The following CTNNA3 variants were observed in gnomAD, a reference collection of about 807,000 sequenced individuals.
CTNNA3 encodes the protein catenin alpha 3, also known as catenin alpha-3.
A neutral mutation model predicts 95.7 loss-of-function variants in CTNNA3; 76 were observed. The observed-to-expected ratio is 0.79, with a 90% CI of 0.66 to 0.96. The LOEUF (loss-of-function observed/expected upper bound fraction) is 0.96, where lower values mean the gene tolerates loss of function less well. CTNNA3 is among the 40% of genes least tolerant of loss of function. The pLI is 0.00. For synonymous variants in CTNNA3, 431 were observed against 374.4 expected (o/e 1.15, Z -1.74); for missense variants, 1,191 against 1,089.8 (o/e 1.09, Z -1.31).
intron 6 of CTNNA3, among the ~76,000 whole-genome samples, chr10:67,182,425 C>T (rs977608265): frequency 6.6e-6 from 1 of 152,064 alleles, no homozygotes. Context: ...CTGAGAAAAA[C>T]AAGCAATGGG....
intron 10 of CTNNA3, among the ~76,000 whole-genome samples, chr10:66,552,787 T>C (rs2132112145): frequency 6.6e-6 from 1 of 152,248 alleles, no homozygotes; most frequent in South Asian, 2.1e-4. Context: ...AGTGACTATT[T>C]CTAGCCTCAT....
At chr10:65,921,213 G>C (rs906847290) in intron 17 of CTNNA3, among the ~76,000 whole-genome samples, 5 of 152,100 alleles carry the variant, frequency 3.3e-5, no homozygotes, top group African/African-American at 9.7e-5. Context: ...ACTACAAAAA[G>C]GTGGAGTTTA....
intron 9 of CTNNA3, among the ~76,000 whole-genome samples, chr10:66,746,064 G>A (rs1288592492): frequency 6.6e-6 from 1 of 152,114 alleles, no homozygotes; most frequent in Non-Finnish European, 1.5e-5. Context: ...CCATCGGCAT[G>A]TTCCTTAATT....
intron 7 of CTNNA3, among the ~76,000 whole-genome samples, chr10:66,986,307 G>A (rs1850725264): frequency 6.6e-6 from 1 of 151,988 alleles, no homozygotes; most frequent in Non-Finnish European, 1.5e-5. Flanking sequence ...AGACAGCCTG[G>A]GCAACATGGT....
intron 5 of CTNNA3, among the ~76,000 whole-genome samples, chr10:67,249,567 CGT>C (rs1866027871): frequency 1.3e-5 from 2 of 151,848 alleles, no homozygotes; most frequent in Admixed American, 6.6e-5. Flanking sequence ...AACTTTCTAC[CGT>C]ATGTATTACC....
intron 5 of CTNNA3, among the ~76,000 whole-genome samples, chr10:67,482,273 C>T (rs1303505591): frequency 2.0e-5 from 3 of 151,870 alleles, no homozygotes; most frequent in African/African-American, 4.8e-5. Context: ...TAGTTTTTTC[C>T]AATTCTGTGA....
At chr10:67,560,894 C>T (rs910474080) in intron 3 of CTNNA3, among the ~76,000 whole-genome samples, 1 of 152,064 alleles carries the variant, frequency 6.6e-6, no homozygotes, top group African/African-American at 2.4e-5. Flanking sequence ...ACAAAGAAGG[C>T]CATTGCATAA....
chr10:66,909,913 A>G (rs2132554557), intron 7 of CTNNA3, among the ~76,000 whole-genome samples: 1 of 152,288 alleles, frequency 6.6e-6, no homozygotes, highest in Middle Eastern at 3.4e-3. Flanking sequence ...TATCTGTTAA[A>G]AGTAGAATTC....
chr10:66,864,811 A>G (rs1208548872), intron 7 of CTNNA3, among the ~76,000 whole-genome samples: 1 of 152,174 alleles, frequency 6.6e-6, no homozygotes, highest in East Asian at 1.9e-4. Context: ...GATAAATTAA[A>G]TAGCTTCCCA....
In CTNNA3 at chr10:66,650,523, G is replaced by A. The variant is rs919793432; in HGVS notation, c.1282-28739C>T. Among the ~76,000 whole-genome samples the A allele has an allele frequency of 1.2e-4, 18 of 152,276 alleles. 1 individual carries two copies. The highest frequency in any genetic ancestry group is 3.4e-3 in the Middle Eastern group (1 of 294). On this transcript the variant is annotated intron_variant, in intron 9 of 17. Coordinates refer to ENST00000433211, the MANE Select transcript of CTNNA3 (RefSeq NM_013266.4). ...AACTCATGATGTGTCCGGAATTGGTGGGTTCTTGGTCTCGCTGACTTCAAG... is the reference window on the plus strand; with the variant it reads ...AACTCATGATGTGTCCGGAATTGGTAGGTTCTTGGTCTCGCTGACTTCAAG...
At chr10:66,993,984 T>C (rs980882627) in intron 7 of CTNNA3, among the ~76,000 whole-genome samples, 1 of 152,298 alleles carries the variant, frequency 6.6e-6, no homozygotes, top group Admixed American at 6.5e-5. Context: ...CTGCCAGATA[T>C]AGCAGGACAA....
intron 15 of CTNNA3, among the ~76,000 whole-genome samples, chr10:65,995,740 G>T (rs1001846611): frequency 6.6e-6 from 1 of 152,228 alleles, no homozygotes; most frequent in Admixed American, 6.5e-5. Flanking sequence ...AACCCCATGG[G>T]CTCACAGATA....
At chr10:65,937,292 ATTAC>A (rs1226702542) in intron 17 of CTNNA3, among the ~76,000 whole-genome samples, 1 of 152,108 alleles carries the variant, frequency 6.6e-6, no homozygotes, top group African/African-American at 2.4e-5. Context: ...GATTTGGATA[ATTAC>A]TTTCCTGTTT....
At chr10:66,599,845 C>A (rs1242797566) in intron 10 of CTNNA3, among the ~76,000 whole-genome samples, 1 of 151,946 alleles carries the variant, frequency 6.6e-6, no homozygotes, top group Non-Finnish European at 1.5e-5. Context: ...AACATCACCA[C>A]CAAAAATATT....
chr10:67,462,878 G>T (rs544096331), intron 5 of CTNNA3, among the ~76,000 whole-genome samples: 1 of 151,270 alleles, frequency 6.6e-6, no homozygotes, highest in Non-Finnish European at 1.5e-5. Flanking sequence ...AATTTACATC[G>T]TAAGATTTCT....
intron 7 of CTNNA3, among the ~76,000 whole-genome samples, chr10:67,177,390 G>C (rs1472815889): frequency 6.6e-6 from 1 of 152,120 alleles, no homozygotes; most frequent in East Asian, 1.9e-4. Context: ...CTGGCTGGAC[G>C]CAACAGATTT....
At chr10:66,091,563 A>G (rs2081212990) in intron 14 of CTNNA3, among the ~76,000 whole-genome samples, 1 of 151,976 alleles carries the variant, frequency 6.6e-6, no homozygotes, top group Non-Finnish European at 1.5e-5. Context: ...TGTTGCCTTC[A>G]TTGAATTTGC....
At chr10:66,219,847 G>T (rs546186445) in intron 13 of CTNNA3, among the ~76,000 whole-genome samples, 2 of 152,250 alleles carry the variant, frequency 1.3e-5, no homozygotes, top group South Asian at 4.1e-4. Context: ...ATAAAGGCTG[G>T]GTGCAGTGGC....
chr10:65,926,814 T>G (rs549268193), intron 17 of CTNNA3, among the ~76,000 whole-genome samples: 9 of 152,122 alleles, frequency 5.9e-5, no homozygotes, highest in Non-Finnish European at 8.8e-5. Context: ...ATTTTTCACA[T>G]TAGGCATTTT....
Sources: gnomAD v4.1 joint callset for allele counts (sites outside exome capture counted in the v4.1 genomes callset) on GRCh38, gnomAD v4.1.1 for gene constraint, MANE v1.5 for transcripts, NCBI Gene and HGNC (gene_info 2026-07-23, HGNC 2026-07-21) for gene names.